DAPK1: variants seen among roughly 807,000 people sequenced by gnomAD.
The protein encoded by DAPK1 is death-associated protein kinase 1.
A neutral mutation model predicts 144.9 loss-of-function variants in DAPK1; 56 were observed. The ratio of observed to expected loss-of-function variants is 0.39; its 90% CI spans 0.31 to 0.48. The LOEUF is 0.48. DAPK1 is among the 20% of genes least tolerant of loss of function. DAPK1 has a pLI of 0.95. For missense variants in DAPK1, 1,454 were observed against 1,875.4 expected, an observed-to-expected ratio of 0.78 and a Z score of 4.15; for synonymous variants, 690 against 749.0, an observed-to-expected ratio of 0.92 and a Z score of 1.29.
At chr9:87,668,146 T>C (rs1410577) in intron 18 of DAPK1, 6,936 of 155,408 alleles carry the variant, frequency 0.045, 272 homozygotes, top group East Asian at 0.14. Flanking sequence ...TGCACAGTAA[T>C]TACCAGGAGC....
rs1251627903 is a variant in DAPK1, at chr9:87,706,414, T to C, written c.3343T>C (p.Ser1115Pro). ...ALIKTDNLHR[S>P]WADEEDEVMV... ...GATCAAGACAGACAACCTGCACCGC[T>C]CCTGGGCTGATGAGGAGGACGAGGT... Residue 1115 changes from serine (S) to proline (P), a missense_variant, in exon 26 of 26, where the codon TCC (serine) becomes CCC (proline). By Grantham distance (74) the Ser-to-Pro change is moderately conservative (BLOSUM62 -1). Around this residue, in one of 2 missense-constraint regions of DAPK1, gnomAD observed 1,025 missense variants for 1,237.9 expected, o/e 0.83. Transcript: ENST00000408954. This position sits in a 1 kb window ranked among gnomAD's most constrained non-coding sequence, Gnocchi z 9.0. 6.2e-7 allele frequency: 1 copy of C among 1,613,258 alleles called. No individual in the cohort carries two copies. The highest frequency in any genetic ancestry group is 1.1e-5 in the South Asian group (1 of 90,896).
At chr9:87,634,597 A>C (rs1029735666) in intron 3 of DAPK1, among the ~76,000 whole-genome samples, 1 of 152,224 alleles carries the variant, frequency 6.6e-6, no homozygotes, top group East Asian at 1.9e-4. Context: ...GATGCCGCCC[A>C]CTGCCTGAAG....
rs1313815014 is a variant in DAPK1, at chr9:87,497,967, C to G, written c.-249C>G. The stretch of plus-strand genomic sequence containing the variant: ...AACTCGCAGCGGCAGGGTCTGGGGC[C>G]GGCGCCTGGGAGGGATCTGCGCCCC... On this transcript the variant is annotated 5_prime_UTR_variant, in exon 1 of 26. Transcript: ENST00000408954. The G allele has an allele frequency of 2.5e-6, 1 of 396,914 alleles. No homozygotes were observed. 24.6% of individuals were successfully genotyped at this position (396,914 alleles called of 1,614,324 possible).
chr9:87,698,370 A>T (rs1345717467), intron 22 of DAPK1: 3 of 302,566 alleles, frequency 9.9e-6, no homozygotes, highest in African/African-American at 6.4e-5. Flanking sequence ...TCTCCTTGTA[A>T]GTAGGGGCTA....
Position 87,640,378 on chromosome 9 carries a change from A to G in DAPK1, c.710A>G (p.Glu237Gly), listed in dbSNP as rs555869163. 2 of 1,614,220 alleles carry G rather than the reference A, an allele frequency of 1.2e-6. No homozygotes were observed. Among genetic ancestry groups the G allele is most frequent in the South Asian group, 2.2e-5 (2 of 91,084 alleles). The change falls in exon 8 of 26, where the codon GAG becomes GGG. Residue 237 changes from glutamate to glycine, a missense_variant. Transcript: ENST00000408954. ...GTATCCGCTGTCAACTACGAATTTG[A>G]GGATGAATACTTCAGTAATACCAGT... ...ANVSAVNYEF[E>G]DEYFSNTSAL...
At chr9:87,530,321 C>T (rs1825657831) in intron 2 of DAPK1, among the ~76,000 whole-genome samples, 1 of 152,202 alleles carries the variant, frequency 6.6e-6, no homozygotes, top group South Asian at 2.1e-4. Context: ...AAGACACTGC[C>T]TAACCAACAC....
chr9:87,624,426 T>C lies in DAPK1; in HGVS notation c.285-13517T>C, dbSNP rs1338414147. 2.0e-5 allele frequency among the ~76,000 whole-genome samples: 3 copies of C among 152,342 alleles called. No homozygotes were observed. In the East Asian group the frequency reaches 5.8e-4, roughly 29 times the overall value. Reference sequence around the variant, plus strand: ...CAGGACATGGAAGTTGCCAGTCTCTTAAAACCTGGATCTGGAAACTGGCAC... The same window carrying C: ...CAGGACATGGAAGTTGCCAGTCTCTCAAAACCTGGATCTGGAAACTGGCAC... On this transcript the variant is annotated intron_variant, in intron 3 of 25. Transcript: ENST00000408954.
chr9:87,612,315 A>G (rs1474414639), intron 3 of DAPK1, among the ~76,000 whole-genome samples: 2 of 152,232 alleles, frequency 1.3e-5, no homozygotes, highest in African/African-American at 2.4e-5. Flanking sequence ...AGATGAGGTC[A>G]TACTGGAATA....
At chr9:87,697,228 G>C (rs1468961763) in intron 22 of DAPK1, 24 bp downstream of exon 22, 1 of 1,110,816 alleles carries the variant, frequency 9.0e-7, no homozygotes, top group Admixed American at 1.8e-5. Flanking sequence ...CTGCAGGCCA[G>C]TGATGTCCTA....
chr9:87,695,354 G>A (rs144200584), intron 21 of DAPK1, among the ~76,000 whole-genome samples: 2 of 152,344 alleles, frequency 1.3e-5, no homozygotes, highest in African/African-American at 4.8e-5. Flanking sequence ...TAAACGAGGT[G>A]AAGGGAGCCT....
chr9:87,669,184 A>G (rs1302697252), intron 19 of DAPK1, among the ~76,000 whole-genome samples: 1 of 152,220 alleles, frequency 6.6e-6, no homozygotes, highest in Admixed American at 6.5e-5. Context: ...ATGCTTAAAG[A>G]TGTTCACTGC....
chr9:87,513,967 T>G (rs1316271131), intron 2 of DAPK1, among the ~76,000 whole-genome samples: 1 of 152,188 alleles, frequency 6.6e-6, no homozygotes, highest in Non-Finnish European at 1.5e-5. Context: ...TTTAGCAGCA[T>G]CCATGGACTC....
chr9:87,703,041 A>G lies in DAPK1; in HGVS notation c.2884A>G (p.Met962Val), dbSNP rs1481901892. Residue 962 changes from methionine (M) to valine (V), a missense_variant, in exon 25 of 26, where the codon ATG becomes GTG. Coordinates refer to ENST00000408954, the MANE Select transcript of DAPK1 (RefSeq NM_004938.4). ...CTGCCCCCTCTAGGTCTGTCCTCCC[A>G]TGACTCACCTGTGTGAGAAAATCAT... ...RSQIVSVCPP[M>V]THLCEKIIST... 2.5e-6 allele frequency: 4 copies of G among 1,577,970 alleles called. No individual in the cohort carries two copies. In the South Asian group the frequency reaches 3.3e-5, roughly 13 times the overall value.
chr9:87,594,474 C>A, intron 2 of DAPK1, among the ~76,000 whole-genome samples: 1 of 152,220 alleles, frequency 6.6e-6, no homozygotes, highest in East Asian at 1.9e-4. Context: ...TAGACCATAT[C>A]TGAAGCATGT....
intron 20 of DAPK1, 75 bp downstream of exon 20, chr9:87,681,701 G>T (rs1193406143): frequency 1.2e-6 from 1 of 802,228 alleles, no homozygotes; most frequent in South Asian, 1.4e-5. Context: ...AGGTCTAGGG[G>T]GGAAGGGAGT....
intron 2 of DAPK1, among the ~76,000 whole-genome samples, chr9:87,539,256 C>T (rs1308949343): frequency 1.3e-5 from 2 of 151,800 alleles, no homozygotes; most frequent in South Asian, 2.1e-4. Flanking sequence ...TTAATATGTA[C>T]GGATGTGTAG....
intron 2 of DAPK1, among the ~76,000 whole-genome samples, chr9:87,549,980 G>A (rs71510224): frequency 0.043 from 6,530 of 152,222 alleles, 203 homozygotes; most frequent in Middle Eastern, 0.095. Context: ...TTCGTCATGC[G>A]TGTCATTTCC....
intron 3 of DAPK1, chr9:87,632,108 A>G (rs544158899): frequency 3.1e-6 from 2 of 635,514 alleles, no homozygotes; most frequent in Middle Eastern, 8.7e-4. Context: ...ATATATATAT[A>G]TGTATGTGTG....
intron 2 of DAPK1, among the ~76,000 whole-genome samples, chr9:87,575,080 C>T (rs889734430): frequency 3.3e-5 from 5 of 150,600 alleles, no homozygotes; most frequent in African/African-American, 7.3e-5. Flanking sequence ...ATTAGCCAGG[C>T]GTAGTGGTGT....
Sources: gnomAD v4.1 joint callset for allele counts (sites outside exome capture counted in the v4.1 genomes callset) on GRCh38, gnomAD v4.1.1 for gene constraint, gnomAD v4.1.1 regional missense constraint, Gnocchi (gnomAD v3.1) non-coding constraint, MANE v1.5 for transcripts, NCBI Gene and HGNC (gene_info 2026-07-23, HGNC 2026-07-21) for gene names.